STK3: variants seen among roughly 807,000 people sequenced by gnomAD.
The protein encoded by STK3 is serine/threonine kinase 3, also known as serine/threonine-protein kinase 3.
STK3 carries 41 observed loss-of-function variants against 58.0 expected under a neutral mutation model. The ratio of observed to expected loss-of-function variants is 0.71; its 90% confidence interval spans 0.55 to 0.92. The LOEUF (loss-of-function observed/expected upper bound fraction) is 0.92. Ranked by LOEUF, STK3 falls within the 40% of genes least tolerant of loss-of-function variation. STK3 has a pLI of 0.00. For missense variants in STK3, 479 were observed against 602.7 expected (o/e 0.79, Z 2.15); for synonymous variants, 170 against 191.0 (o/e 0.89, Z 0.91).
intron 4 of STK3, among the ~76,000 whole-genome samples, chr8:98,724,342 C>T (rs1439664627): frequency 1.3e-5 from 2 of 152,164 alleles, no homozygotes; most frequent in African/African-American, 2.4e-5. Context: ...TTTGAGCTGA[C>T]TCTAAAAGAG....
chr8:98,415,207 C>T (rs1031873804), intron 3 of STK3, among the ~76,000 whole-genome samples: 7 of 152,196 alleles, frequency 4.6e-5, no homozygotes. Context: ...CCTCGCCAGA[C>T]ACCAGTCCTG....
chr8:98,832,920 A>C (rs1173356631), intron 3 of STK3, among the ~76,000 whole-genome samples: 3 of 152,218 alleles, frequency 2.0e-5, no homozygotes, highest in Admixed American at 1.3e-4. Flanking sequence ...TGGTAGGAAA[A>C]GTCTATTCCA....
intron 8 of STK3, among the ~76,000 whole-genome samples, chr8:98,550,914 T>C (rs1342049177): frequency 6.6e-6 from 1 of 152,220 alleles, no homozygotes; most frequent in East Asian, 1.9e-4. Context: ...ATCATTCTAA[T>C]GAAGAATCTA....
intron 3 of STK3, among the ~76,000 whole-genome samples, chr8:98,764,290 T>C (rs1040627522): frequency 1.3e-5 from 2 of 152,260 alleles, no homozygotes; most frequent in African/African-American, 2.4e-5. Context: ...AATAAGTACC[T>C]GATTTCCCTG....
chr8:98,606,829 T>C (rs1816813818), intron 6 of STK3, among the ~76,000 whole-genome samples: 1 of 152,206 alleles, frequency 6.6e-6, no homozygotes, highest in African/African-American at 2.4e-5. Context: ...ATAATAAACC[T>C]GTCATTCTAA....
chr8:98,402,618 T>C (rs887718792), intron 3 of STK3, among the ~76,000 whole-genome samples: 3 of 152,190 alleles, frequency 2.0e-5, no homozygotes, highest in African/African-American at 7.2e-5. Flanking sequence ...TGGTCTCCCA[T>C]GAGTTCAGCC....
chr8:98,630,765 C>CAAG lies in STK3; in HGVS notation c.685-34599_685-34597dup, dbSNP rs368786086. Among the ~76,000 whole-genome samples, 1,354 of 141,806 alleles carry CAAG rather than the reference C, an allele frequency of 9.5e-3. 16 individuals are homozygous for CAAG. Among genetic ancestry groups the CAAG allele is most frequent in the African/African-American group, 0.034 (1,282 of 38,054 alleles). 93.0% of individuals were successfully genotyped at this position (141,806 alleles called of 152,430 possible). A position where few individuals can be genotyped will look rare whatever the true frequency, so the allele number is the denominator to read the frequency against. On this transcript the variant is annotated intron_variant, in intron 6 of 10. Transcript: ENST00000419617. ...AGAAGGATAAGGAGAAGGAGAAGAA[C>CAAG]AAGAAGAAGAAGAGGAAGAGGAAGA...
Position 98,579,710 on chromosome 8 carries a change from C to CTTTTAGCT in STK3, c.894_901dup (p.Arg301LysfsTer30). 6.2e-7 allele frequency: 1 copy of CTTTTAGCT among 1,610,372 alleles called. No individual in the cohort carries two copies. Among genetic ancestry groups the CTTTTAGCT allele is most frequent in the Non-Finnish European group, 8.5e-7 (1 of 1,178,906 alleles). On this transcript the variant is annotated frameshift_variant, in exon 8 of 11. Transcript: ENST00000419617. LOFTEE classifies it high-confidence loss of function. Reference sequence around the variant, plus strand: ...CAATTCTCGTTGCTGTTCCTCATGTCTTTTAGCTTTGATCTCCATAGCTTC... The same window carrying CTTTTAGCT: ...CAATTCTCGTTGCTGTTCCTCATGTCTTTTAGCTTTTTAGCTTTGATCTCCATAGCTTC...
At chr8:98,530,245 G>A (rs1826068600) in intron 9 of STK3, among the ~76,000 whole-genome samples, 1 of 152,084 alleles carries the variant, frequency 6.6e-6, no homozygotes, top group South Asian at 2.1e-4. Context: ...TTGTTTTACA[G>A]ATTATTTCAT....
intron 6 of STK3, chr8:98,597,777 T>C (rs1467106085): frequency 1.0e-6 from 1 of 983,968 alleles, no homozygotes; most frequent in African/African-American, 1.8e-5. Context: ...GTTTTTAAAA[T>C]AGGATACATA....
downstream of STK3, among the ~76,000 whole-genome samples, chr8:98,367,382 C>G (rs1355785095): frequency 6.6e-6 from 1 of 152,158 alleles, no homozygotes; most frequent in Admixed American, 6.5e-5. Flanking sequence ...ATCTTTGGAT[C>G]GCTCCCCCTT....
intron 8 of STK3, among the ~76,000 whole-genome samples, chr8:98,571,955 T>C (rs1813004241): frequency 6.6e-6 from 1 of 152,204 alleles, no homozygotes; most frequent in Non-Finnish European, 1.5e-5. Context: ...AAAAATAGCA[T>C]GTCAATGCTA....
intron 10 of STK3, among the ~76,000 whole-genome samples, chr8:98,477,310 CTA>C (rs1821402694): frequency 6.6e-6 from 1 of 152,094 alleles, no homozygotes; most frequent in African/African-American, 2.4e-5. Flanking sequence ...AAATAAATTT[CTA>C]TGTTTTTCTC....
chr8:98,391,553 A>G (rs954878493), upstream of STK3: 11 of 152,084 alleles, frequency 7.2e-5, no homozygotes, highest in African/African-American at 2.7e-4. Context: ...TGGTCACCCT[A>G]CTCTGCTGTG....
chr8:98,348,314 A>G, the STK3 span, among the ~76,000 whole-genome samples: 12 of 152,362 alleles, frequency 7.9e-5, no homozygotes, highest in African/African-American at 2.6e-4. Flanking sequence ...AGAAGAGTTA[A>G]TAAAAGAAAA....
At chr8:98,379,455 C>T (rs1817710166) in intron 1 of STK3, among the ~76,000 whole-genome samples, 1 of 152,200 alleles carries the variant, frequency 6.6e-6, no homozygotes, top group South Asian at 2.1e-4. Flanking sequence ...TACTTCAAAT[C>T]AGCCAAATGT....
At chr8:98,661,794 T>C (rs1821983826) in intron 6 of STK3, among the ~76,000 whole-genome samples, 1 of 152,120 alleles carries the variant, frequency 6.6e-6, no homozygotes, top group Non-Finnish European at 1.5e-5. Flanking sequence ...CTTTTATACA[T>C]GCTTACCTTC....
intron 3 of STK3, among the ~76,000 whole-genome samples, chr8:98,854,282 G>T (rs1331755012): frequency 6.6e-6 from 1 of 151,974 alleles, no homozygotes; most frequent in South Asian, 2.1e-4. Flanking sequence ...GGGATTACAG[G>T]TGCCCACCAC....
chr8:98,538,291 C>G (rs566025111), intron 9 of STK3, among the ~76,000 whole-genome samples: 1 of 152,268 alleles, frequency 6.6e-6, no homozygotes. Flanking sequence ...AACACAGAAG[C>G]TACTGACATC....
Sources: gnomAD v4.1 joint callset for allele counts (sites outside exome capture counted in the v4.1 genomes callset) on GRCh38, gnomAD v4.1.1 for gene constraint, MANE v1.5 for transcripts, NCBI Gene and HGNC (gene_info 2026-07-23, HGNC 2026-07-21) for gene names.